MTAP: variants seen among roughly 807,000 people sequenced by gnomAD.
MTAP encodes methylthioadenosine phosphorylase, also known as S-methyl-5'-thioadenosine phosphorylase.
A neutral mutation model predicts 33.6 loss-of-function variants in MTAP; 33 were observed. The observed-to-expected ratio is 0.98, with a 90% CI of 0.74 to 1.31. The LOEUF (loss-of-function observed/expected upper bound fraction) is 1.31, where lower values mean the gene tolerates loss of function less well. MTAP is among the 40% of genes most tolerant of loss of function. MTAP has a pLI of 0.00. For missense variants in MTAP, 367 were observed against 360.0 expected (o/e 1.02, Z -0.16); for synonymous variants, 148 against 125.7 (o/e 1.18, Z -1.19).
chr9:21,811,551 T>C (rs972308605), intron 1 of MTAP: 6 of 353,192 alleles, frequency 1.7e-5, no homozygotes, highest in Non-Finnish European at 2.8e-5. Flanking sequence ...ATGGCTGTCA[T>C]AGAACAGATT....
chr9:21,854,875 G>A lies in MTAP; in HGVS notation c.690+5G>A. ...TGGAAGGAGCACGAGGAAGCAGTAG[G>A]TGGAATTCTTTTCTAAGCACATATA... On this transcript the variant is annotated splice_donor_5th_base_variant and intron_variant, in intron 6 of 7. Transcript: ENST00000644715. 1.2e-6 allele frequency: 2 copies of A among 1,613,924 alleles called. No individual in the cohort carries two copies. Among genetic ancestry groups the A allele is most frequent in the Non-Finnish European group, 1.7e-6 (2 of 1,179,846 alleles).
At chr9:21,875,025 G>T (rs577917315) in intron 1 of MTAP, among the ~76,000 whole-genome samples, 2 of 152,256 alleles carry the variant, frequency 1.3e-5, no homozygotes, top group African/African-American at 4.8e-5. Context: ...TTTTATGGCT[G>T]CATGGTATTC....
chr9:21,803,036 A>ACACACACACACACACACC lies in MTAP; in HGVS notation c.33+256_33+257insACACACACACACACACCC, dbSNP rs1020757334. 91 of 1,039,852 alleles carry ACACACACACACACACACC rather than the reference A, an allele frequency of 8.8e-5. 1 individual carries two copies. The highest frequency in any genetic ancestry group is 5.1e-4 in the African/African-American group (28 of 54,732). 64.4% of individuals were successfully genotyped at this position (1,039,852 alleles called of 1,614,324 possible). A position where few individuals can be genotyped will look rare whatever the true frequency, so the allele number is the denominator to read the frequency against. On this transcript the variant is annotated intron_variant, in intron 1 of 7. Coordinates refer to ENST00000644715, the MANE Select transcript of MTAP (RefSeq NM_002451.4). ...CACACACACACACACACACACACAC[A>ACACACACACACACACACC]CCACCTTTTGGCTTATCTGCACCCG...
Position 21,862,881 on chromosome 9 carries a change from A to G in MTAP, c.*867A>G, listed in dbSNP as rs1490815511. On this transcript the variant is annotated 3_prime_UTR_variant, in exon 8 of 8. Transcript: ENST00000644715. ...TCTTTGAATCTTTCTGTGTCTTCAC[A>G]TTTTTCTACAGTGAATTTAATCAAA... The G allele has an allele frequency of 2.2e-6, 2 of 893,064 alleles. No homozygotes were observed. The highest frequency in any genetic ancestry group is 2.4e-4 in the East Asian group (2 of 8,296). 55.3% of individuals were successfully genotyped at this position (893,064 alleles called of 1,614,324 possible).
chr9:21,938,461 A>AAAAG (rs199851704), downstream of MTAP, among the ~76,000 whole-genome samples: 4 of 151,564 alleles, frequency 2.6e-5, no homozygotes, highest in African/African-American at 4.9e-5. Flanking sequence ...AAGAAAGGGA[A>AAAAG]AAAGAAAGAA....
At chr9:21,832,105 C>G (rs76045635) in intron 4 of MTAP, among the ~76,000 whole-genome samples, 1 of 152,270 alleles carries the variant, frequency 6.6e-6, no homozygotes, top group East Asian at 1.9e-4. Context: ...ATTATTTCTT[C>G]AACTTATTTT....
chr9:21,911,069 A>G (rs1378829691), intron 1 of MTAP, among the ~76,000 whole-genome samples: 2 of 152,186 alleles, frequency 1.3e-5, no homozygotes, highest in Non-Finnish European at 2.9e-5. Flanking sequence ...TCAATTCAAC[A>G]AGAAGAGCTA....
At chr9:21,848,745 C>A (rs62556496) in intron 5 of MTAP, among the ~76,000 whole-genome samples, 33,861 of 152,120 alleles carry the variant, frequency 0.22, 4,633 homozygotes, top group East Asian at 0.41. Flanking sequence ...CCTGTAATTG[C>A]TCTTCTCTGT....
rs1818803050 is a variant in MTAP, at chr9:21,922,498, C to T, written c.148-8510C>T. Among the ~76,000 whole-genome samples the T allele has an allele frequency of 1.3e-5, 2 of 152,132 alleles. No individual in the cohort carries two copies. The highest frequency in any genetic ancestry group is 4.2e-4 in the South Asian group (2 of 4,814). On this transcript the variant is annotated intron_variant, in intron 1 of 1. Transcript: ENST00000577563. This position sits in a 1 kb window ranked among gnomAD's most constrained non-coding sequence, Gnocchi z 4.8. The stretch of plus-strand genomic sequence containing the variant: ...TCTGCTCAAAAACTTGCCTTGGTCT[C>T]TCACTCTCGCTTATGCCCCTCAGAC...
intron 1 of MTAP, among the ~76,000 whole-genome samples, chr9:21,901,246 C>T (rs1190397057): frequency 6.6e-6 from 1 of 152,174 alleles, no homozygotes; most frequent in African/African-American, 2.4e-5. Context: ...GAGAGGTCTT[C>T]ATAGATGGAA....
At chr9:21,923,105 C>A (rs886367307) in intron 1 of MTAP, among the ~76,000 whole-genome samples, 11 of 152,290 alleles carry the variant, frequency 7.2e-5, no homozygotes, top group Middle Eastern at 6.8e-3. Flanking sequence ...CTACGTTAAA[C>A]ACACACTCCC....
chr9:21,833,015 T>C (rs1044240946), intron 4 of MTAP, among the ~76,000 whole-genome samples: 1 of 152,168 alleles, frequency 6.6e-6, no homozygotes, highest in Non-Finnish European at 1.5e-5. Context: ...TCATGAAATA[T>C]AATAGAAAAT....
chr9:21,885,858 A>T (rs1016839976), intron 1 of MTAP, among the ~76,000 whole-genome samples: 6 of 150,304 alleles, frequency 4.0e-5, no homozygotes, highest in African/African-American at 1.5e-4. Context: ...TCGTTGAATG[A>T]TGGGAATTTG....
At position 21,922,766 on chromosome 9, in the gene MTAP, C is replaced by A. The variant is rs1422463331; in HGVS notation, c.148-8242C>A. On this transcript the variant is annotated intron_variant, in intron 1 of 1. Coordinates refer to the MTAP transcript ENST00000577563. The surrounding 1 kb of genome is among the most constrained non-coding windows in gnomAD (Gnocchi z 4.8). ...CTCTCAGCCACAGTGGCTCTGCACCCGCTGGCTGATCTCTCAGCTTACCCT... is the reference window on the plus strand; with the variant it reads ...CTCTCAGCCACAGTGGCTCTGCACCAGCTGGCTGATCTCTCAGCTTACCCT... 3.3e-5 allele frequency among the ~76,000 whole-genome samples: 5 copies of A among 152,134 alleles called. No individual in the cohort carries two copies. The highest frequency in any genetic ancestry group is 7.2e-5 in the African/African-American group (3 of 41,418).
intron 1 of MTAP, chr9:21,930,440 C>T (rs1042713344): frequency 1.9e-5 from 4 of 214,836 alleles, no homozygotes; most frequent in South Asian, 1.8e-4. Flanking sequence ...CATCTTTATA[C>T]TCCCTGGCAA....
chr9:21,901,023 C>T (rs1818383047), intron 1 of MTAP, among the ~76,000 whole-genome samples: 1 of 152,116 alleles, frequency 6.6e-6, no homozygotes, highest in Non-Finnish European at 1.5e-5. Flanking sequence ...CCTAAGGATG[C>T]AGAGTGAGAG....
In MTAP at chr9:21,816,729, A is replaced by C. The variant is rs750076531; in HGVS notation, c.136A>C (p.Ile46Leu). 7.6e-5 allele frequency: 122 copies of C among 1,612,032 alleles called. No homozygotes were observed. The highest frequency in any genetic ancestry group is 6.7e-5 in the Admixed American group (4 of 59,694). The change falls in exon 3 of 8, where the codon ATT becomes CTT. Residue 46 changes from isoleucine (I) to leucine (L), a missense_variant. Physicochemically the swap from Ile to Leu is conservative, Grantham distance 5. Coordinates refer to ENST00000644715, the MANE Select transcript of MTAP (RefSeq NM_002451.4). ...TTGCATGCAGCCATCTGATGCCTTA[A>C]TTTTGGGGAAGATAAAAAATGTTGA... is the stretch of plus-strand genomic sequence containing the variant. ...TPFGKPSDAL[I>L]LGKIKNVDCV...
At chr9:21,845,144 C>T (rs1409117654) in intron 5 of MTAP, among the ~76,000 whole-genome samples, 1 of 152,060 alleles carries the variant, frequency 6.6e-6, no homozygotes, top group East Asian at 1.9e-4. Flanking sequence ...CCCACTTTCA[C>T]CACTTCTGTT....
At position 21,815,467 on chromosome 9, in the gene MTAP, C is replaced by T. The variant is rs1277143263; in HGVS notation, c.68C>T (p.Pro23Leu). 5 of 1,611,410 alleles carry T rather than the reference C, an allele frequency of 3.1e-6. No individual in the cohort carries two copies. The Admixed American group carries it at 8.4e-5, about 27-fold the overall frequency. Residue 23 changes from proline (P) to leucine (L), a missense_variant, in exon 2 of 8, where the codon CCA becomes CTA. Pro to Leu is a moderately conservative substitution (Grantham distance 98). Coordinates refer to ENST00000644715, the MANE Select transcript of MTAP (RefSeq NM_002451.4). ...ATTGGTGGAACAGGCCTGGATGATC[C>T]AGAAATTTTAGAAGGAAGAACTGAA... ...GIIGGTGLDD[P>L]EILEGRTEKY...
Sources: gnomAD v4.1 joint callset for allele counts (sites outside exome capture counted in the v4.1 genomes callset) on GRCh38, gnomAD v4.1.1 for gene constraint, Gnocchi (gnomAD v3.1) non-coding constraint, MANE v1.5 for transcripts, NCBI Gene and HGNC (gene_info 2026-07-23, HGNC 2026-07-21) for gene names.